The following NFATC3 variants were observed in gnomAD, a reference collection of about 807,000 sequenced individuals.
NFATC3 encodes the protein nuclear factor of activated T-cells, cytoplasmic 3.
In NFATC3, 46 loss-of-function variants were observed where a neutral mutation model predicts 98.6. The observed-to-expected ratio is 0.47, with a 90% CI of 0.37 to 0.60. The LOEUF (loss-of-function observed/expected upper bound fraction) is 0.60, where lower values mean the gene tolerates loss of function less well. NFATC3 is among the 20% of genes least tolerant of loss of function. The pLI, the probability that NFATC3 is intolerant of heterozygous loss-of-function variation, is 0.00. For missense variants in NFATC3, 1,256 were observed against 1,295.5 expected (o/e 0.97, Z 0.47); for synonymous variants, 512 against 472.2 (o/e 1.08, Z -1.09).
intron 8 of NFATC3, 92 bp downstream of exon 8, chr16:68,183,458 G>C (rs542182989): frequency 7.0e-7 from 1 of 1,425,122 alleles, no homozygotes; most frequent in East Asian, 2.4e-5. Context: ...GTTTAAGGTA[G>C]AGTGCTTATA....
chr16:68,123,497 C>CAA (rs547564860), intron 2 of NFATC3, among the ~76,000 whole-genome samples: 11 of 73,854 alleles, frequency 1.5e-4, no homozygotes, highest in East Asian at 4.4e-4. Context: ...CCTGTCTCTA[C>CAA]AAAAAAAAAA....
intron 1 of NFATC3, among the ~76,000 whole-genome samples, chr16:68,107,461 G>A (rs953423143): frequency 5.9e-5 from 9 of 152,118 alleles, no homozygotes; most frequent in Non-Finnish European, 8.8e-5. Context: ...GGTGGCTTAC[G>A]CCTGTAATCC....
At position 68,130,480 on chromosome 16, in the gene NFATC3, G is replaced by T. The variant is rs374208351; in HGVS notation, c.1401+3870G>T. ...TGAGAAATGTCATTTTAGATCCTTT[G>T]CCCACTTTTTAGATTATTTGGGGTT... is the stretch of plus-strand genomic sequence containing the variant. On this transcript the variant is annotated intron_variant, in intron 3 of 9. Transcript: ENST00000346183. 5.9e-5 allele frequency among the ~76,000 whole-genome samples: 9 copies of T among 152,126 alleles called. No individual in the cohort carries two copies. In the East Asian group the frequency reaches 1.7e-3, roughly 29 times the overall value.
intron 1 of NFATC3, among the ~76,000 whole-genome samples, chr16:68,110,059 C>T (rs774748496): frequency 2.6e-5 from 4 of 152,112 alleles, no homozygotes; most frequent in African/African-American, 4.8e-5. Context: ...GGCTGGAGTG[C>T]AGTGATACGA....
intron 9 of NFATC3, chr16:68,224,766 A>G (rs944280908): frequency 1.3e-5 from 2 of 152,024 alleles, no homozygotes; most frequent in African/African-American, 4.8e-5. Context: ...AACCAGAAAA[A>G]GATTAGATGT....
intron 1 of NFATC3, chr16:68,089,247 GAATGTCCT>G (rs1466790117): frequency 1.0e-6 from 1 of 985,306 alleles, no homozygotes; most frequent in Non-Finnish European, 1.2e-6. Context: ...TGAATTTAGT[GAATGTCCT>G]AAGCAAGCTT....
chr16:68,198,395 A>G (rs1213973935), intron 9 of NFATC3, among the ~76,000 whole-genome samples: 2 of 152,196 alleles, frequency 1.3e-5, no homozygotes, highest in African/African-American at 4.8e-5. Context: ...TGAATTTTAC[A>G]CAGAGCCTAA....
At chr16:68,127,569 T>G (rs1221499778) in intron 3 of NFATC3, among the ~76,000 whole-genome samples, 1 of 151,748 alleles carries the variant, frequency 6.6e-6, no homozygotes, top group Non-Finnish European at 1.5e-5. Flanking sequence ...GTGCCTATAG[T>G]CCCAGCCATT....
intron 4 of NFATC3, among the ~76,000 whole-genome samples, chr16:68,164,328 C>T (rs891626336): frequency 1.3e-5 from 2 of 152,216 alleles, no homozygotes; most frequent in Admixed American, 6.5e-5. Flanking sequence ...TGCAGTGAGC[C>T]GAGATGGCAG....
chr16:68,201,743 G>T (rs1192746798), intron 9 of NFATC3, among the ~76,000 whole-genome samples: 3 of 150,592 alleles, frequency 2.0e-5, no homozygotes, highest in African/African-American at 7.3e-5. Context: ...CTGAGGTCAG[G>T]AGTTCGAGTC....
chr16:68,211,510 T>G (rs976591313), intron 9 of NFATC3, among the ~76,000 whole-genome samples: 25 of 145,068 alleles, frequency 1.7e-4, no homozygotes, highest in East Asian at 8.5e-4. Context: ...GTAAATGTTT[T>G]TTGTTGTTGT....
chr16:68,158,558 T>C (rs2151577122), intron 4 of NFATC3, among the ~76,000 whole-genome samples: 1 of 152,304 alleles, frequency 6.6e-6, no homozygotes, highest in South Asian at 2.1e-4. Flanking sequence ...ATGCAGTGGC[T>C]TGAACAGTTA....
intron 1 of NFATC3, among the ~76,000 whole-genome samples, chr16:68,096,154 C>T (rs1054615602): frequency 1.3e-5 from 2 of 152,086 alleles, no homozygotes; most frequent in Non-Finnish European, 2.9e-5. Flanking sequence ...TTGATAGAGA[C>T]GGAGTCTTTC....
chr16:68,139,481 G>A (rs888558467), intron 3 of NFATC3, among the ~76,000 whole-genome samples: 4 of 152,178 alleles, frequency 2.6e-5, no homozygotes, highest in Admixed American at 2.6e-4. Context: ...ATTTTAAGGA[G>A]TTGTGAATTA....
chr16:68,203,767 A>T (rs2041025576), intron 9 of NFATC3, among the ~76,000 whole-genome samples: 1 of 152,170 alleles, frequency 6.6e-6, no homozygotes, highest in African/African-American at 2.4e-5. Context: ...AAAATAGTTA[A>T]TGGCTGGGCG....
At chr16:68,144,854 C>G (rs1335182289) in intron 3 of NFATC3, among the ~76,000 whole-genome samples, 5 of 151,990 alleles carry the variant, frequency 3.3e-5, no homozygotes, top group African/African-American at 1.2e-4. Flanking sequence ...AACAGAGTTT[C>G]AACATGTTGG....
intron 9 of NFATC3, chr16:68,209,590 C>A (rs977923638): frequency 1.4e-5 from 5 of 351,052 alleles, no homozygotes; most frequent in Non-Finnish European, 1.1e-5. Flanking sequence ...AAGGGTCAGG[C>A]CCATCTTTTG....
rs778016298 is a variant in NFATC3 at position 68,104,653 on chromosome 16, G to GTTTTTTTTTTTTTTTTTTTTTTTTT, written c.104-17318_104-17317insTTTTTTTTTTTTTTTTTTTTTTTTT. ...GTTAGCTGTGGGCTTTTCACAAATGGTTTTTTTTTTTTTTTTGAAATGGAG... is the reference window on the plus strand; with the variant it reads ...GTTAGCTGTGGGCTTTTCACAAATGGTTTTTTTTTTTTTTTTTTTTTTTTTTTTTTTTTTTTTTTTTGAAATGGAG... On this transcript the variant is annotated intron_variant, in intron 1 of 9. Coordinates refer to ENST00000346183, the MANE Select transcript of NFATC3 (RefSeq NM_173165.3). 6.0e-4 allele frequency among the ~76,000 whole-genome samples: 76 copies of GTTTTTTTTTTTTTTTTTTTTTTTTT among 126,652 alleles called. 3 individuals carry two copies. Among genetic ancestry groups the GTTTTTTTTTTTTTTTTTTTTTTTTT allele is most frequent in the Non-Finnish European group, 9.1e-4 (55 of 60,610 alleles). The allele number at this position is 126,652 out of a possible 152,430, so 83.1% of individuals were successfully genotyped here.
intron 9 of NFATC3, among the ~76,000 whole-genome samples, chr16:68,193,524 C>T (rs2040533203): frequency 2.6e-5 from 4 of 152,102 alleles, no homozygotes; most frequent in Middle Eastern, 3.4e-3. Flanking sequence ...CAAAAATTAG[C>T]TGGGTGTGGT....
Sources: gnomAD v4.1 joint callset for allele counts (sites outside exome capture counted in the v4.1 genomes callset) on GRCh38, gnomAD v4.1.1 for gene constraint, MANE v1.5 for transcripts, NCBI Gene and HGNC (gene_info 2026-07-23, HGNC 2026-07-21) for gene names.